The following RADIL variants were observed in gnomAD, a reference collection of about 807,000 sequenced individuals.
RADIL encodes ras-associating and dilute domain-containing protein.
In RADIL, 99 loss-of-function variants were observed where a neutral mutation model predicts 97.6. That is an observed-to-expected ratio of 1.01 (90% CI 0.86 to 1.20). The LOEUF is 1.20. Ranked by LOEUF, RADIL falls within the 50% of genes most tolerant of loss-of-function variation. RADIL has a pLI of 0.00. For synonymous variants in RADIL, 803 were observed against 691.8 expected (o/e 1.16, Z -2.52); for missense variants, 1,765 against 1,498.9 (o/e 1.18, Z -2.93).
intron 2 of RADIL, among the ~76,000 whole-genome samples, chr7:4,841,676 C>T (rs1783443047): frequency 6.6e-6 from 1 of 152,208 alleles, no homozygotes; most frequent in Non-Finnish European, 1.5e-5. Flanking sequence ...AGCCCTGCTT[C>T]ACCCCAGCAA....
intron 13 of RADIL, among the ~76,000 whole-genome samples, 171 bp downstream of exon 13, chr7:4,800,000 G>A (rs939763146): frequency 5.3e-5 from 8 of 152,176 alleles, no homozygotes; most frequent in East Asian, 1.9e-4. Context: ...CCCAGGGGGC[G>A]TGGCCGTTGG....
intron 9 of RADIL, chr7:4,809,070 C>A (rs990057960): frequency 9.9e-5 from 97 of 980,006 alleles, no homozygotes; most frequent in Non-Finnish European, 1.2e-4. Flanking sequence ...TGCCACTGCC[C>A]CTCCGCGTCT....
At chr7:4,866,590 AC>A (rs1562457206) in intron 2 of RADIL, among the ~76,000 whole-genome samples, 1 of 152,202 alleles carries the variant, frequency 6.6e-6, no homozygotes, top group Non-Finnish European at 1.5e-5. Context: ...TGTCCATTTC[AC>A]AGCTGCTCAC....
Position 4,836,575 on chromosome 7 carries a change from C to T in RADIL, c.566G>A (p.Arg189Gln), listed in dbSNP as rs371257914. 11 of 1,607,616 alleles carry T rather than the reference C, an allele frequency of 6.8e-6. No homozygotes were observed. The highest frequency in any genetic ancestry group is 4.5e-5 in the East Asian group (2 of 44,852). ...GGTCGGGGTTCCCTTCGCGCGACTC[C>T]GCTGCAGCCTCCGGGCCTGGGCGTT... is the stretch of plus-strand genomic sequence containing the variant. ...GINAQARRLQRSRAKGTPTPA... is the reference protein window; with the variant it reads ...GINAQARRLQQSRAKGTPTPA... Residue 189 changes from arginine to glutamine, a missense_variant, in exon 3 of 15, where the codon CGG (arginine) becomes CAG (glutamine). By Grantham distance (43) the Arg-to-Gln change is conservative. Coordinates refer to ENST00000399583, the MANE Select transcript of RADIL (RefSeq NM_018059.5).
intron 2 of RADIL, chr7:4,859,787 G>A (rs1783928253): frequency 1.2e-5 from 8 of 673,922 alleles, no homozygotes; most frequent in Non-Finnish European, 2.0e-5. Context: ...GATGCTGTCT[G>A]AATTTTTCTA....
At chr7:4,846,655 C>T (rs543581196) in intron 2 of RADIL, among the ~76,000 whole-genome samples, 2 of 151,682 alleles carry the variant, frequency 1.3e-5, no homozygotes, top group African/African-American at 4.8e-5. Context: ...AAGCGATTCT[C>T]CTGCCTCAGC....
At position 4,803,717 on chromosome 7, in the gene RADIL, GA is replaced by G. The variant is rs1562426388; in HGVS notation, c.2327del (p.Ile776ThrfsTer96). On this transcript the variant is annotated frameshift_variant, in exon 11 of 15. Transcript: ENST00000399583. LOFTEE classifies it high-confidence loss of function. ...CCTGGAAGCCGTCGCTGGGCAGGAC[GA>G]TGGGTGGGGGGTTTTCGTAGGACTC... ...VLESYENPPP[I>X]VLPSDGFQVD... 1.9e-6 allele frequency: 3 copies of G among 1,567,598 alleles called. No homozygotes were observed. The Admixed American group carries it at 5.6e-5, about 29-fold the overall frequency.
At chr7:4,876,824 C>T (rs1055763885) in intron 2 of RADIL, among the ~76,000 whole-genome samples, 9 of 152,192 alleles carry the variant, frequency 5.9e-5, no homozygotes, top group African/African-American at 2.2e-4. Flanking sequence ...CCCACAGACC[C>T]GCGGTACGCT....
chr7:4,799,930 C>T (rs866814306), intron 13 of RADIL, among the ~76,000 whole-genome samples, 161 bp from the exon 14 acceptor site: 1 of 152,218 alleles, frequency 6.6e-6, no homozygotes, highest in Non-Finnish European at 1.5e-5. Context: ...TGGACACCAC[C>T]GTCCCCACAG....
At position 4,822,691 on chromosome 7, in the gene RADIL, G is replaced by T; in HGVS notation, c.1455-137C>A. On this transcript the variant is annotated intron_variant, in intron 5 of 14. Coordinates refer to ENST00000399583, the MANE Select transcript of RADIL (RefSeq NM_018059.5). The surrounding 1 kb of genome is among the most constrained non-coding windows in gnomAD (Gnocchi z 5.3). Reference sequence around the variant, plus strand: ...GCAACCATCAACCTGACACTGCTGGGCGGGGACGTTTAACAATACGTGTAC... The same window carrying T: ...GCAACCATCAACCTGACACTGCTGGTCGGGGACGTTTAACAATACGTGTAC... 1.9e-6 allele frequency: 2 copies of T among 1,034,384 alleles called. No homozygotes were observed. Among genetic ancestry groups the T allele is most frequent in the Non-Finnish European group, 2.8e-6 (2 of 726,680 alleles). 64.1% of individuals were successfully genotyped at this position (1,034,384 alleles called of 1,614,324 possible).
At chr7:4,875,443 A>G (rs984450085) in intron 2 of RADIL, among the ~76,000 whole-genome samples, 1 of 150,624 alleles carries the variant, frequency 6.6e-6, no homozygotes, top group African/African-American at 2.4e-5. Context: ...TGTCTCCTGC[A>G]ACATGCACTC....
chr7:4,832,687 C>A (rs141265789), intron 4 of RADIL, among the ~76,000 whole-genome samples: 7 of 140,454 alleles, frequency 5.0e-5, no homozygotes, highest in African/African-American at 1.9e-4. Context: ...TGCAGTGAGA[C>A]GAGATCACGC....
At chr7:4,859,152 A>G (rs143179295) in intron 2 of RADIL, 2 of 152,510 alleles carry the variant, frequency 1.3e-5, no homozygotes, top group African/African-American at 2.4e-5. Flanking sequence ...ATGTACTTTT[A>G]TGCTTTCTCT....
rs111660194 is a variant in RADIL at position 4,834,161 on chromosome 7, C to T, written c.1416+446G>A. On this transcript the variant is annotated intron_variant, in intron 4 of 14. Transcript: ENST00000399583. This position sits in a 1 kb window ranked among gnomAD's most constrained non-coding sequence, Gnocchi z 6.0. ...TGGCTCCAGCGGGTATGTGCTCAAC[C>T]GGCCCCTGGCAGCAAGCACAGGGCG... Among the ~76,000 whole-genome samples the T allele has an allele frequency of 7.9e-5, 12 of 152,150 alleles. No homozygotes were observed. The highest frequency in any genetic ancestry group is 4.1e-4 in the South Asian group (2 of 4,820).
At chr7:4,874,479 AC>A (rs1404504251) in intron 2 of RADIL, among the ~76,000 whole-genome samples, 1 of 152,014 alleles carries the variant, frequency 6.6e-6, no homozygotes, top group African/African-American at 2.4e-5. Context: ...ATCTCAAACC[AC>A]CCGGCCGCCT....
chr7:4,879,248 A>G lies in RADIL; in HGVS notation c.-64-1045T>C, dbSNP rs117675219. Among the ~76,000 whole-genome samples, 251 of 152,362 alleles carry G rather than the reference A, an allele frequency of 1.6e-3. No individual in the cohort carries two copies. The highest frequency in any genetic ancestry group is 3.7e-3 in the South Asian group (18 of 4,830). On this transcript the variant is annotated intron_variant, in intron 1 of 14. Coordinates refer to ENST00000399583, the MANE Select transcript of RADIL (RefSeq NM_018059.5). The surrounding 1 kb of genome is among the most constrained non-coding windows in gnomAD (Gnocchi z 4.1). The stretch of plus-strand genomic sequence containing the variant: ...ACAGCCTGGGACGCGTTGGCGTGTC[A>G]TACAATCACACTTCTAATGTCCGTA...
intron 2 of RADIL, among the ~76,000 whole-genome samples, chr7:4,855,338 GA>G (rs1241482836): frequency 1.3e-5 from 2 of 152,086 alleles, no homozygotes; most frequent in East Asian, 3.9e-4. Flanking sequence ...AAGGTGTGTA[GA>G]GTTCTGGACA....
chr7:4,856,886 T>C (rs779796760), intron 2 of RADIL, among the ~76,000 whole-genome samples: 16 of 152,212 alleles, frequency 1.1e-4, no homozygotes, highest in Non-Finnish European at 1.9e-4. Context: ...TTACATATTG[T>C]CTATGACTGA....
At chr7:4,863,905 T>C (rs1030667066) in intron 2 of RADIL, among the ~76,000 whole-genome samples, 3 of 152,238 alleles carry the variant, frequency 2.0e-5, no homozygotes, top group Non-Finnish European at 2.9e-5. Context: ...GCGGTTCTAG[T>C]TTCAGAATCA....
Sources: gnomAD v4.1 joint callset for allele counts (sites outside exome capture counted in the v4.1 genomes callset) on GRCh38, gnomAD v4.1.1 for gene constraint, Gnocchi (gnomAD v3.1) non-coding constraint, MANE v1.5 for transcripts, NCBI Gene and HGNC (gene_info 2026-07-23, HGNC 2026-07-21) for gene names.